Variants in RNF24 observed in about 807,000 individuals in gnomAD.
RNF24 encodes the protein ring finger protein 24.
RNF24 carries 14 observed loss-of-function variants against 20.0 expected under a neutral mutation model. The ratio of observed to expected loss-of-function variants is 0.70; its 90% confidence interval spans 0.46 to 1.10. The LOEUF is 1.10. RNF24 is among the 50% of genes least tolerant of loss of function. The probability of loss-of-function intolerance (pLI) is 0.00; values close to 1 mark genes in which losing one functional copy is unlikely to be tolerated. For synonymous variants in RNF24, 45 were observed against 61.1 expected, an observed-to-expected ratio of 0.74 and a Z score of 1.23; for missense variants, 124 against 177.6, an observed-to-expected ratio of 0.70 and a Z score of 1.71.
rs2090850003 is a variant in RNF24, at chr20:3,933,451, T to A, written c.*612A>T. On this transcript the variant is annotated 3_prime_UTR_variant, in exon 6 of 6. Transcript: ENST00000358395. ...TTCTGACTAGGCCTTTCCAAGCGCATCTCATGTTTTCAGCTTAGATGATTT... is the reference window on the plus strand; with the variant it reads ...TTCTGACTAGGCCTTTCCAAGCGCAACTCATGTTTTCAGCTTAGATGATTT... The A allele has an allele frequency of 2.9e-6, 1 of 342,040 alleles. No individual in the cohort carries two copies. The highest frequency in any genetic ancestry group is 5.2e-6 in the Non-Finnish European group (1 of 191,150). The allele number at this position is 342,040 out of a possible 1,614,324, so 21.2% of individuals were successfully genotyped here.
intron 4 of RNF24, among the ~76,000 whole-genome samples, chr20:3,939,201 C>T (rs2090926212): frequency 6.6e-6 from 1 of 152,066 alleles, no homozygotes; most frequent in Non-Finnish European, 1.5e-5. Flanking sequence ...GCTATGTTGC[C>T]CAGGCTGGTC....
In RNF24 at chr20:3,932,265, A is replaced by G. The variant is rs2090833641; in HGVS notation, c.*1798T>C. The G allele has an allele frequency of 6.6e-6, 1 of 152,198 alleles. No homozygotes were observed. Among genetic ancestry groups the G allele is most frequent in the African/African-American group, 2.4e-5 (1 of 41,442 alleles). The allele number at this position is 152,198 out of a possible 1,614,324, so 9.4% of individuals were successfully genotyped here. The stretch of plus-strand genomic sequence containing the variant: ...AACTCTGTTGTGCTACAAATAGAGA[A>G]TGCAAAAAGACGGTGAAAGTAGGAG... On this transcript the variant is annotated 3_prime_UTR_variant, in exon 6 of 6. Coordinates refer to ENST00000358395, the MANE Select transcript of RNF24 (RefSeq NM_001134337.3).
intron 2 of RNF24, among the ~76,000 whole-genome samples, chr20:3,950,395 C>G (rs994764014): frequency 1.3e-4 from 20 of 152,134 alleles, no homozygotes; most frequent in African/African-American, 4.6e-4. Flanking sequence ...AGTGAGGCAG[C>G]TACAAGCCAA....
chr20:3,949,158 T>G (rs1600641853), intron 2 of RNF24, among the ~76,000 whole-genome samples: 1 of 152,176 alleles, frequency 6.6e-6, no homozygotes, highest in East Asian at 1.9e-4. Flanking sequence ...GGCAGGCGGA[T>G]GGCCTGAGGT....
At chr20:3,977,863 CA>C (rs1244052901) in intron 1 of RNF24, among the ~76,000 whole-genome samples, 531 of 47,448 alleles carry the variant, frequency 0.011, 4 homozygotes, top group African/African-American at 0.028. Flanking sequence ...GACTCCGTCT[CA>C]AAAAAAAAAA....
chr20:3,978,679 CTAAT>C (rs1393780100), intron 1 of RNF24, among the ~76,000 whole-genome samples: 1 of 151,726 alleles, frequency 6.6e-6, no homozygotes, highest in Non-Finnish European at 1.5e-5. Context: ...AGCAGGAGTG[CTAAT>C]TATTTTTAAA....
At chr20:4,008,707 C>T (rs1272997733) in intron 1 of RNF24, among the ~76,000 whole-genome samples, 5 of 149,968 alleles carry the variant, frequency 3.3e-5, no homozygotes, top group African/African-American at 4.9e-5. Flanking sequence ...CCACCACACC[C>T]GGCTAATTTG....
At chr20:3,990,416 G>T (rs937572984) in intron 1 of RNF24, among the ~76,000 whole-genome samples, 1 of 152,174 alleles carries the variant, frequency 6.6e-6, no homozygotes, top group African/African-American at 2.4e-5. Flanking sequence ...TTATCTTTCA[G>T]ATGTACTTGC....
intron 1 of RNF24, among the ~76,000 whole-genome samples, chr20:3,970,463 A>G (rs2091303681): frequency 6.6e-6 from 1 of 152,350 alleles, no homozygotes; most frequent in South Asian, 2.1e-4. Context: ...CAAGACTAGG[A>G]AGATCACAAA....
intron 1 of RNF24, among the ~76,000 whole-genome samples, chr20:3,981,748 T>C (rs1360929095): frequency 1.3e-5 from 2 of 152,196 alleles, no homozygotes; most frequent in East Asian, 1.9e-4. Flanking sequence ...GGGCAATATT[T>C]TCAACACTAC....
rs1344967972 is a variant in RNF24, at chr20:4,008,556, ATT to A, written c.-8+6879_-8+6880del. Among the ~76,000 whole-genome samples, 338 of 110,096 alleles carry A rather than the reference ATT, an allele frequency of 3.1e-3. 4 individuals carry two copies. The highest frequency in any genetic ancestry group is 7.9e-3 in the African/African-American group (243 of 30,698). The allele number at this position is 110,096 out of a possible 152,430, so 72.2% of individuals were successfully genotyped here. A position where few individuals can be genotyped will look rare whatever the true frequency, so the allele number is the denominator to read the frequency against. ...ATTTATATATATTATATATATATAT[ATT>A]TTTTTTTGAGACAGAGTCTCGCTCT... On this transcript the variant is annotated intron_variant, in intron 1 of 5. Coordinates refer to ENST00000358395, the MANE Select transcript of RNF24 (RefSeq NM_001134337.3).
chr20:3,955,138 G>C (rs1179110517), intron 2 of RNF24, among the ~76,000 whole-genome samples: 2 of 152,142 alleles, frequency 1.3e-5, no homozygotes, highest in African/African-American at 2.4e-5. Flanking sequence ...TCATGTGCTT[G>C]TTGGCCATTT....
intron 1 of RNF24, among the ~76,000 whole-genome samples, chr20:3,989,894 TATAAGCC>T (rs762542545): frequency 6.6e-6 from 1 of 152,184 alleles, no homozygotes; most frequent in African/African-American, 2.4e-5. Flanking sequence ...AAATTCTTGT[TATAAGCC>T]ATTAAGATTT....
Position 3,929,465 on chromosome 20 carries a change from CAT to C in RNF24, c.*4596_*4597del, listed in dbSNP as rs2090787439. 2 of 152,288 alleles carry C rather than the reference CAT, an allele frequency of 1.3e-5. No homozygotes were observed. Among genetic ancestry groups the C allele is most frequent in the Admixed American group, 6.5e-5 (1 of 15,292 alleles). 9.4% of individuals were successfully genotyped at this position (152,288 alleles called of 1,614,324 possible). ...GACGCTGGACATTCAGGCATATCCACATGAGACTCACTGTGCACTTGCTCAGT... is the reference window on the plus strand; with the variant it reads ...GACGCTGGACATTCAGGCATATCCACGAGACTCACTGTGCACTTGCTCAGT... On this transcript the variant is annotated 3_prime_UTR_variant, in exon 6 of 6. Transcript: ENST00000358395.
intron 1 of RNF24, among the ~76,000 whole-genome samples, chr20:3,977,858 C>A (rs1320284073): frequency 7.2e-6 from 1 of 138,288 alleles, no homozygotes; most frequent in South Asian, 2.4e-4. Flanking sequence ...AGCGAGACTC[C>A]GTCTCAAAAA....
At chr20:3,941,532 CT>C (rs2090955456) in intron 4 of RNF24, among the ~76,000 whole-genome samples, 1 of 151,248 alleles carries the variant, frequency 6.6e-6, no homozygotes, top group African/African-American at 2.4e-5. Flanking sequence ...AAATGAAGTA[CT>C]AAAAAATGTT....
chr20:3,938,067 T>C (rs1373888099), intron 4 of RNF24, among the ~76,000 whole-genome samples: 1 of 152,210 alleles, frequency 6.6e-6, no homozygotes, highest in African/African-American at 2.4e-5. Context: ...CATTTTACGT[T>C]CCTACCAGCA....
At chr20:4,006,355 C>A (rs1478623497) in intron 1 of RNF24, among the ~76,000 whole-genome samples, 2 of 141,780 alleles carry the variant, frequency 1.4e-5, no homozygotes, top group African/African-American at 5.1e-5. Flanking sequence ...GGTGACAGAG[C>A]AAGTCTCTGT....
intron 2 of RNF24, among the ~76,000 whole-genome samples, chr20:3,962,029 T>C (rs906954719): frequency 6.6e-6 from 1 of 152,144 alleles, no homozygotes; most frequent in African/African-American, 2.4e-5. Context: ...TAGAAAGAGA[T>C]GTAAAAATCT....
Sources: gnomAD v4.1 joint callset for allele counts (sites outside exome capture counted in the v4.1 genomes callset) on GRCh38, gnomAD v4.1.1 for gene constraint, MANE v1.5 for transcripts, NCBI Gene and HGNC (gene_info 2026-07-23, HGNC 2026-07-21) for gene names.